FGGY: variants seen among roughly 807,000 people sequenced by gnomAD.
FGGY encodes the protein FGGY carbohydrate kinase domain-containing protein.
In FGGY, 72 loss-of-function variants were observed where a neutral mutation model predicts 71.3. The ratio of observed to expected loss-of-function variants is 1.01; its 90% CI spans 0.84 to 1.23. The LOEUF is 1.23. FGGY is among the 50% of genes most tolerant of loss of function. FGGY has a pLI of 0.00. For missense variants in FGGY, 668 were observed against 682.3 expected (o/e 0.98, Z 0.23); for synonymous variants, 251 against 250.3 (o/e 1.00, Z -0.02).
intron 11 of FGGY, among the ~76,000 whole-genome samples, chr1:59,651,655 T>C (rs1572666270): frequency 1.3e-5 from 2 of 151,116 alleles, no homozygotes; most frequent in East Asian, 3.9e-4. Flanking sequence ...TCTCTGCACG[T>C]GAGATGGGTC....
chr1:59,730,886 C>T (rs914337391), intron 14 of FGGY, among the ~76,000 whole-genome samples: 2 of 152,208 alleles, frequency 1.3e-5, no homozygotes, highest in Non-Finnish European at 2.9e-5. Context: ...TGTCGGACAA[C>T]ATGCAAAGTG....
intron 6 of FGGY, among the ~76,000 whole-genome samples, chr1:59,489,944 A>G (rs530762921): frequency 1.3e-5 from 2 of 152,184 alleles, no homozygotes; most frequent in African/African-American, 2.4e-5. Flanking sequence ...TATGGTTTTG[A>G]TTTGCATTTC....
intron 6 of FGGY, among the ~76,000 whole-genome samples, chr1:59,468,028 C>T (rs1038793551): frequency 3.9e-5 from 6 of 151,994 alleles, no homozygotes; most frequent in South Asian, 4.2e-4. Context: ...CTCAGCCTTC[C>T]GAGTAGCTGG....
At chr1:59,589,742 G>A (rs955357045) in intron 8 of FGGY, among the ~76,000 whole-genome samples, 2 of 152,100 alleles carry the variant, frequency 1.3e-5, no homozygotes, top group Admixed American at 1.3e-4. Flanking sequence ...AAACCAACGA[G>A]AACAAAGACA....
chr1:59,566,201 T>C (rs2095870485), intron 8 of FGGY, among the ~76,000 whole-genome samples: 1 of 152,034 alleles, frequency 6.6e-6, no homozygotes, highest in Non-Finnish European at 1.5e-5. Context: ...TTGGTGTGGA[T>C]GAAATAGATG....
intron 5 of FGGY, among the ~76,000 whole-genome samples, chr1:59,421,760 G>T (rs533672162): frequency 3.6e-4 from 55 of 152,294 alleles, no homozygotes; most frequent in African/African-American, 1.2e-3. Flanking sequence ...GATGTTTAGG[G>T]CATGCCTTGA....
intron 14 of FGGY, among the ~76,000 whole-genome samples, chr1:59,674,847 G>GA (rs1051056094): frequency 1.1e-4 from 16 of 152,188 alleles, no homozygotes; most frequent in African/African-American, 3.9e-4. Flanking sequence ...GGTAAACAAT[G>GA]AATGTGGTAT....
At chr1:59,736,894 T>C (rs751377617) in intron 14 of FGGY, among the ~76,000 whole-genome samples, 2 of 152,224 alleles carry the variant, frequency 1.3e-5, no homozygotes, top group Non-Finnish European at 2.9e-5. Context: ...GAGGTCTTCA[T>C]GGCAGCTCCT....
At chr1:59,591,682 A>G (rs1467803848) in intron 8 of FGGY, among the ~76,000 whole-genome samples, 1 of 152,196 alleles carries the variant, frequency 6.6e-6, no homozygotes, top group Non-Finnish European at 1.5e-5. Context: ...AAAACAAGCA[A>G]TGGGGAAAGG....
intron 7 of FGGY, among the ~76,000 whole-genome samples, chr1:59,544,176 C>T (rs2095487414): frequency 6.6e-6 from 1 of 152,110 alleles, no homozygotes; most frequent in Non-Finnish European, 1.5e-5. Flanking sequence ...GAAGCATACA[C>T]ATTTATGTAA....
chr1:59,537,286 A>T (rs2095343288), intron 7 of FGGY, among the ~76,000 whole-genome samples: 1 of 152,132 alleles, frequency 6.6e-6, no homozygotes, highest in South Asian at 2.1e-4. Flanking sequence ...AATCCAACTT[A>T]CAAGGGATGT....
chr1:59,525,054 C>T (rs2094939331), intron 7 of FGGY, among the ~76,000 whole-genome samples: 1 of 152,212 alleles, frequency 6.6e-6, no homozygotes, highest in Non-Finnish European at 1.5e-5. Flanking sequence ...CTCCAAGCCT[C>T]CAGGTGCCCG....
chr1:59,684,794 C>T (rs960566715), intron 14 of FGGY, among the ~76,000 whole-genome samples: 3 of 152,188 alleles, frequency 2.0e-5, no homozygotes, highest in Admixed American at 6.5e-5. Context: ...TGTGAACACA[C>T]CTGGCTGGGC....
chr1:59,750,147 C>A (rs767721439), intron 14 of FGGY, among the ~76,000 whole-genome samples: 3 of 152,082 alleles, frequency 2.0e-5, no homozygotes. Context: ...TGGATCCAAC[C>A]CCAAGCCCAT....
chr1:59,305,839 C>T (rs1335215959), intron 1 of FGGY, among the ~76,000 whole-genome samples: 1 of 152,188 alleles, frequency 6.6e-6, no homozygotes, highest in Non-Finnish European at 1.5e-5. Context: ...TTAGTACTCT[C>T]CTGAATACTT....
chr1:59,440,430 T>G (rs1028826528), intron 5 of FGGY, among the ~76,000 whole-genome samples: 1 of 152,066 alleles, frequency 6.6e-6, no homozygotes, highest in African/African-American at 2.4e-5. Context: ...TTGTTTGTTT[T>G]TAATATGAAC....
intron 8 of FGGY, among the ~76,000 whole-genome samples, chr1:59,582,249 A>T (rs1454399435): frequency 6.7e-6 from 1 of 149,804 alleles, no homozygotes; most frequent in Non-Finnish European, 1.5e-5. Context: ...AACTTGTCTC[A>T]AAAAAACCCC....
At position 59,534,530 on chromosome 1, in the gene FGGY, C is replaced by T. The variant is rs548594433; in HGVS notation, c.800-19594C>T. On this transcript the variant is annotated intron_variant, in intron 7 of 15. Coordinates refer to ENST00000303721, the MANE Select transcript of FGGY (RefSeq NM_018291.5). ...GAGCAACTCCAAGACACATAATTGT[C>T]AGATTCACCAAAGTTGAAATGAAGG... Among the ~76,000 whole-genome samples, 429 of 152,140 alleles carry T rather than the reference C, an allele frequency of 2.8e-3. 1 individual carries two copies. Among genetic ancestry groups the T allele is most frequent in the African/African-American group, 9.7e-3 (403 of 41,524 alleles).
At chr1:59,713,402 T>A (rs990470585) in intron 14 of FGGY, among the ~76,000 whole-genome samples, 5 of 152,170 alleles carry the variant, frequency 3.3e-5, no homozygotes, top group African/African-American at 1.2e-4. Context: ...CACCCCACTC[T>A]ACTGGCACCA....
Sources: gnomAD v4.1 joint callset for allele counts (sites outside exome capture counted in the v4.1 genomes callset) on GRCh38, gnomAD v4.1.1 for gene constraint, MANE v1.5 for transcripts, NCBI Gene and HGNC (gene_info 2026-07-23, HGNC 2026-07-21) for gene names.